The following CSGALNACT1 variants were observed in gnomAD, a reference collection of about 807,000 sequenced individuals.
The protein encoded by CSGALNACT1 is chondroitin sulfate N-acetylgalactosaminyltransferase 1.
A neutral mutation model predicts 51.0 loss-of-function variants in CSGALNACT1; 52 were observed. The ratio of observed to expected loss-of-function variants is 1.02; its 90% CI spans 0.82 to 1.29. The LOEUF (loss-of-function observed/expected upper bound fraction) is 1.29. Ranked by LOEUF, CSGALNACT1 falls within the 50% of genes most tolerant of loss-of-function variation. The probability of loss-of-function intolerance (pLI) is 0.00; values close to 1 mark genes in which losing one functional copy is unlikely to be tolerated. For missense variants in CSGALNACT1, 935 were observed against 679.2 expected (o/e 1.38, Z -4.19); for synonymous variants, 341 against 254.4 (o/e 1.34, Z -3.24).
intron 3 of CSGALNACT1, among the ~76,000 whole-genome samples, chr8:19,555,576 A>T (rs911095103): frequency 2.0e-5 from 3 of 152,188 alleles, no homozygotes; most frequent in African/African-American, 7.2e-5. Flanking sequence ...CAAACAAAAA[A>T]ACAAGAACTT....
intron 1 of CSGALNACT1, among the ~76,000 whole-genome samples, chr8:19,733,159 T>C (rs547757714): frequency 1.3e-5 from 2 of 152,318 alleles, no homozygotes; most frequent in South Asian, 2.1e-4. Context: ...TAACAAAATA[T>C]TGTTTTCTGT....
rs77533459 is a variant in CSGALNACT1, at chr8:19,654,471, G to A, written c.-544+28002C>T. 4.5e-3 allele frequency among the ~76,000 whole-genome samples: 683 copies of A among 152,324 alleles called. 3 individuals are homozygous for A. Among genetic ancestry groups the A allele is most frequent in the African/African-American group, 0.016 (658 of 41,580 alleles). ...AGCCCCAACTCCTTAATGGTTGAGT[G>A]ACCAGGATAAATTATGTTTTCCTTG... On this transcript the variant is annotated intron_variant, in intron 1 of 9. Transcript: ENST00000332246.
intron 1 of CSGALNACT1, among the ~76,000 whole-genome samples, chr8:19,627,931 A>G (rs914103555): frequency 2.6e-5 from 4 of 152,232 alleles, no homozygotes; most frequent in Admixed American, 2.6e-4. Context: ...TTGATAAAGT[A>G]CTATAACTAT....
intron 3 of CSGALNACT1, among the ~76,000 whole-genome samples, chr8:19,572,609 T>C (rs965403889): frequency 2.6e-5 from 4 of 152,214 alleles, no homozygotes; most frequent in African/African-American, 2.4e-5. Flanking sequence ...ATTATTCTAG[T>C]AGTTCAAACT....
intron 1 of CSGALNACT1, among the ~76,000 whole-genome samples, chr8:19,652,716 T>G (rs1386190246): frequency 6.6e-6 from 1 of 152,220 alleles, no homozygotes; most frequent in East Asian, 1.9e-4. Context: ...CTGTTCCACT[T>G]AAAATCCCTG....
chr8:19,657,618 T>C lies in CSGALNACT1; in HGVS notation c.-544+24855A>G, dbSNP rs184396492. On this transcript the variant is annotated intron_variant, in intron 1 of 9. Transcript: ENST00000332246. ...AAAATCCAGTATAAAATACCTTCCA[T>C]GTGAAGAGAAAAAGTAAATCTCAAT... Among the ~76,000 whole-genome samples the C allele has an allele frequency of 6.8e-4, 103 of 152,294 alleles. 1 individual carries two copies. The highest frequency in any genetic ancestry group is 2.8e-3 in the Admixed American group (43 of 15,300).
At chr8:19,510,264 A>G (rs1384336232) in intron 3 of CSGALNACT1, among the ~76,000 whole-genome samples, 1 of 152,180 alleles carries the variant, frequency 6.6e-6, no homozygotes, top group African/African-American at 2.4e-5. Context: ...TGCCATTCTT[A>G]CAATCTCTGG....
chr8:19,568,059 A>G (rs1430313816), intron 3 of CSGALNACT1, among the ~76,000 whole-genome samples: 2 of 152,198 alleles, frequency 1.3e-5, no homozygotes, highest in African/African-American at 4.8e-5. Flanking sequence ...GTAATCATCC[A>G]CCATATGTTT....
intron 1 of CSGALNACT1, among the ~76,000 whole-genome samples, chr8:19,724,201 T>A (rs1190573471): frequency 1.3e-5 from 2 of 152,190 alleles, no homozygotes; most frequent in African/African-American, 4.8e-5. Context: ...CCTGGCAGCC[T>A]AAAACCACCC....
At chr8:19,638,086 G>T (rs1052952035) in intron 1 of CSGALNACT1, among the ~76,000 whole-genome samples, 2 of 148,044 alleles carry the variant, frequency 1.4e-5, no homozygotes, top group Non-Finnish European at 3.0e-5. Flanking sequence ...AACCTAAACT[G>T]TTAGTCTCTT....
intron 3 of CSGALNACT1, among the ~76,000 whole-genome samples, chr8:19,532,387 G>A (rs1024955756): frequency 8.6e-5 from 13 of 151,970 alleles, no homozygotes; most frequent in African/African-American, 3.1e-4. Flanking sequence ...ATATGAGCCC[G>A]GTATTTTCAA....
intron 1 of CSGALNACT1, among the ~76,000 whole-genome samples, chr8:19,658,603 G>A (rs751007795): frequency 2.0e-4 from 31 of 152,190 alleles, no homozygotes; most frequent in Middle Eastern, 6.8e-3. Context: ...GCATGGTGGT[G>A]CACACCTGTA....
intron 2 of CSGALNACT1, among the ~76,000 whole-genome samples, chr8:19,594,973 G>T (rs972378454): frequency 2.6e-5 from 4 of 152,166 alleles, no homozygotes; most frequent in Admixed American, 6.5e-5. Flanking sequence ...AAACACATTT[G>T]ATGATAGAAG....
At chr8:19,726,562 C>T (rs2063412326) in intron 1 of CSGALNACT1, among the ~76,000 whole-genome samples, 1 of 152,186 alleles carries the variant, frequency 6.6e-6, no homozygotes, top group African/African-American at 2.4e-5. Flanking sequence ...CATCACCTCA[C>T]ATGCTTATCA....
At chr8:19,729,086 A>G (rs1017502528) in intron 1 of CSGALNACT1, among the ~76,000 whole-genome samples, 1 of 151,906 alleles carries the variant, frequency 6.6e-6, no homozygotes, top group Non-Finnish European at 1.5e-5. Context: ...AGTCCTTAAC[A>G]ATATAAACCA....
At chr8:19,447,912 G>C (rs1414488265) in intron 5 of CSGALNACT1, among the ~76,000 whole-genome samples, 1 of 152,210 alleles carries the variant, frequency 6.6e-6, no homozygotes, top group Non-Finnish European at 1.5e-5. Flanking sequence ...GGGAGCTCAA[G>C]CCAGGACTTT....
intron 3 of CSGALNACT1, among the ~76,000 whole-genome samples, chr8:19,518,170 A>C (rs1277065685): frequency 6.6e-6 from 1 of 152,230 alleles, no homozygotes; most frequent in African/African-American, 2.4e-5. Context: ...GCAATCACTT[A>C]GGCAAATAGT....
intron 1 of CSGALNACT1, among the ~76,000 whole-genome samples, chr8:19,632,967 C>G (rs906814916): frequency 6.7e-6 from 1 of 149,696 alleles, no homozygotes; most frequent in Non-Finnish European, 1.5e-5. Context: ...GAGGTTTCCC[C>G]ATGTTGCTCA....
intron 1 of CSGALNACT1, among the ~76,000 whole-genome samples, chr8:19,651,145 G>A (rs2057766940): frequency 6.6e-6 from 1 of 152,164 alleles, no homozygotes; most frequent in South Asian, 2.1e-4. Context: ...TTGTAGTACA[G>A]AACTAGCCAT....
Sources: gnomAD v4.1 joint callset for allele counts (sites outside exome capture counted in the v4.1 genomes callset) on GRCh38, gnomAD v4.1.1 for gene constraint, MANE v1.5 for transcripts, NCBI Gene and HGNC (gene_info 2026-07-23, HGNC 2026-07-21) for gene names.